Variants in CNTN5 observed in about 807,000 individuals in gnomAD.
CNTN5 encodes the protein contactin-5.
In CNTN5, 77 loss-of-function variants were observed where a neutral mutation model predicts 129.1. The observed-to-expected ratio is 0.60, with a 90% CI of 0.50 to 0.72. The LOEUF (loss-of-function observed/expected upper bound fraction) is 0.72, where lower values mean the gene tolerates loss of function less well. Ranked by LOEUF, CNTN5 falls within the 30% of genes least tolerant of loss-of-function variation. CNTN5 has a pLI of 0.00. For synonymous variants in CNTN5, 509 were observed against 465.6 expected, an observed-to-expected ratio of 1.09 and a Z score of -1.20; for missense variants, 1,478 against 1,328.8, an observed-to-expected ratio of 1.11 and a Z score of -1.75.
chr11:99,460,858 C>T lies in CNTN5; in HGVS notation c.-70-95287C>T, dbSNP rs148641909. Among the ~76,000 whole-genome samples the T allele has an allele frequency of 2.7e-3, 408 of 152,048 alleles. 3 individuals carry two copies. Among genetic ancestry groups the T allele is most frequent in the South Asian group, 0.015 (70 of 4,822 alleles). On this transcript the variant is annotated intron_variant, in intron 2 of 24. Coordinates refer to ENST00000524871, the MANE Select transcript of CNTN5 (RefSeq NM_014361.4). Reference sequence around the variant, plus strand: ...TAGTAAAATACATATACCTCCCAAACGATCCATCCATTCCAATCATAAGTC... The same window carrying T: ...TAGTAAAATACATATACCTCCCAAATGATCCATCCATTCCAATCATAAGTC...
intron 6 of CNTN5, among the ~76,000 whole-genome samples, chr11:99,852,583 G>GT (rs1382595265): frequency 1.3e-5 from 2 of 152,116 alleles, no homozygotes; most frequent in African/African-American, 2.4e-5. Flanking sequence ...AAATTTGCAA[G>GT]TTTTTTTAAT....
chr11:99,097,452 C>A (rs1392987059), intron 1 of CNTN5, among the ~76,000 whole-genome samples: 1 of 151,832 alleles, frequency 6.6e-6, no homozygotes, highest in African/African-American at 2.4e-5. Flanking sequence ...TTAATTTTGA[C>A]CAAGACCATA....
intron 10 of CNTN5, among the ~76,000 whole-genome samples, chr11:100,066,600 T>C (rs549848368): frequency 6.6e-6 from 1 of 152,068 alleles, no homozygotes. Context: ...AGCTCCTGGG[T>C]TTAAAGTGCC....
At chr11:100,283,037 T>A (rs1950675796) in intron 18 of CNTN5, among the ~76,000 whole-genome samples, 2 of 152,168 alleles carry the variant, frequency 1.3e-5, no homozygotes, top group Admixed American at 1.3e-4. Context: ...AAGAGTCAAC[T>A]CCTGGGATCA....
At chr11:100,271,485 T>C (rs1218641365) in intron 18 of CNTN5, among the ~76,000 whole-genome samples, 1 of 152,230 alleles carries the variant, frequency 6.6e-6, no homozygotes, top group Non-Finnish European at 1.5e-5. Context: ...ATCCTTGTAC[T>C]CATCTTCAGG....
intron 1 of CNTN5, among the ~76,000 whole-genome samples, chr11:99,258,237 T>G (rs1862468734): frequency 6.6e-6 from 1 of 152,038 alleles, no homozygotes; most frequent in Non-Finnish European, 1.5e-5. Context: ...TTGTACAGAT[T>G]ATTTCATCAC....
chr11:100,101,599 A>T (rs2138062807), intron 13 of CNTN5, among the ~76,000 whole-genome samples: 1 of 152,018 alleles, frequency 6.6e-6, no homozygotes, highest in Non-Finnish European at 1.5e-5. Context: ...TAATTTCAAT[A>T]GTTTTGGTGG....
intron 4 of CNTN5, among the ~76,000 whole-genome samples, chr11:99,822,105 C>T (rs552522576): frequency 5.9e-5 from 9 of 152,088 alleles, no homozygotes; most frequent in East Asian, 1.9e-4. Context: ...CATGCTCTTA[C>T]GAAAAATGAG....
intron 3 of CNTN5, among the ~76,000 whole-genome samples, chr11:99,681,047 A>C (rs1953528942): frequency 6.6e-6 from 1 of 151,976 alleles, no homozygotes; most frequent in African/African-American, 2.4e-5. Context: ...AAGAACTAGA[A>C]TTAGAAGTGG....
At chr11:99,408,634 C>T (rs965306712) in intron 2 of CNTN5, among the ~76,000 whole-genome samples, 8 of 152,194 alleles carry the variant, frequency 5.3e-5, no homozygotes, top group Non-Finnish European at 1.2e-4. Context: ...TATGTGTAAA[C>T]ATCCCTTTTA....
chr11:99,430,218 T>G (rs911123273), intron 2 of CNTN5, among the ~76,000 whole-genome samples: 45 of 151,934 alleles, frequency 3.0e-4, no homozygotes, highest in African/African-American at 1.1e-3. Context: ...GAAAAGTAAA[T>G]TAAATAATGA....
intron 7 of CNTN5, among the ~76,000 whole-genome samples, chr11:99,940,311 C>T (rs1351892879): frequency 3.3e-5 from 5 of 151,986 alleles, no homozygotes; most frequent in Non-Finnish European, 7.4e-5. Context: ...GCTTTTAGAT[C>T]CTCCAAATAT....
intron 3 of CNTN5, among the ~76,000 whole-genome samples, chr11:99,709,640 T>A (rs1027993753): frequency 6.6e-6 from 1 of 151,902 alleles, no homozygotes; most frequent in South Asian, 2.1e-4. Context: ...TCCATCAAAC[T>A]AGAACAATTG....
intron 4 of CNTN5, 111 bp from the exon 5 acceptor site, chr11:99,844,741 A>G: frequency 9.9e-7 from 1 of 1,007,242 alleles, no homozygotes; most frequent in Non-Finnish European, 1.5e-6. Context: ...TTACCTGTTG[A>G]TTACAAGAAA....
At chr11:100,224,611 A>C in intron 15 of CNTN5, 81 bp from the exon 16 acceptor site, 1 of 1,421,168 alleles carries the variant, frequency 7.0e-7, no homozygotes. Flanking sequence ...CCTTTTACTG[A>C]ATATGCAAAG....
At chr11:99,808,296 T>G (rs759817501) in intron 3 of CNTN5, among the ~76,000 whole-genome samples, 2 of 152,232 alleles carry the variant, frequency 1.3e-5, no homozygotes, top group South Asian at 4.1e-4. Flanking sequence ...TTAGCCCACT[T>G]GATGTCTTTG....
intron 17 of CNTN5, among the ~76,000 whole-genome samples, chr11:100,266,557 A>G (rs1404481367): frequency 6.6e-6 from 1 of 151,982 alleles, no homozygotes; most frequent in African/African-American, 2.4e-5. Context: ...ACCAAAAATA[A>G]TAATACCTTC....
chr11:99,687,681 T>C (rs1368798621), intron 3 of CNTN5, among the ~76,000 whole-genome samples: 2 of 152,184 alleles, frequency 1.3e-5, no homozygotes, highest in African/African-American at 2.4e-5. Flanking sequence ...TCAGTGATAA[T>C]TGATACCACT....
intron 1 of CNTN5, among the ~76,000 whole-genome samples, chr11:99,189,199 T>A (rs1439322880): frequency 1.3e-5 from 2 of 151,592 alleles, no homozygotes; most frequent in East Asian, 3.9e-4. Context: ...TGAATAATAT[T>A]CCATAGTGTG....
Sources: gnomAD v4.1 joint callset for allele counts (sites outside exome capture counted in the v4.1 genomes callset) on GRCh38, gnomAD v4.1.1 for gene constraint, MANE v1.5 for transcripts, NCBI Gene and HGNC (gene_info 2026-07-23, HGNC 2026-07-21) for gene names.